GRM7: variants seen among roughly 807,000 people sequenced by gnomAD.
The protein encoded by GRM7 is metabotropic glutamate receptor 7.
Under a neutral mutation model 84.5 loss-of-function variants are expected in GRM7, and 35 were observed. The observed-to-expected ratio is 0.41, with a 90% CI of 0.32 to 0.55. The LOEUF is 0.55. GRM7 is among the 20% of genes least tolerant of loss of function. The probability of loss-of-function intolerance (pLI) is 0.19; values close to 1 mark genes in which losing one functional copy is unlikely to be tolerated. For synonymous variants in GRM7, 487 were observed against 455.1 expected (o/e 1.07, Z -0.89); for missense variants, 1,003 against 1,194.6 (o/e 0.84, Z 2.36).
chr3:7,675,004 A>C (rs1338702996), intron 8 of GRM7, among the ~76,000 whole-genome samples: 1 of 152,200 alleles, frequency 6.6e-6, no homozygotes, highest in Admixed American at 6.5e-5. Flanking sequence ...ACATCCCCTA[A>C]ACCAATGGTT....
rs60445737 is a variant in GRM7, at chr3:7,072,931, A to G, written c.520-73521A>G. 5.6e-4 allele frequency among the ~76,000 whole-genome samples: 85 copies of G among 152,202 alleles called. 1 individual carries two copies. Among genetic ancestry groups the G allele is most frequent in the African/African-American group, 2.0e-3 (84 of 41,532 alleles). On this transcript the variant is annotated intron_variant, in intron 1 of 9. Coordinates refer to ENST00000357716, the MANE Select transcript of GRM7 (RefSeq NM_000844.4). ...ATAGATTCAGATCATGACATTGAGC[A>G]CTCCTCAAGCTCCATGCTGTCTTAT...
intron 4 of GRM7, among the ~76,000 whole-genome samples, chr3:7,324,440 T>C (rs953901240): frequency 1.3e-5 from 2 of 152,210 alleles, no homozygotes; most frequent in Non-Finnish European, 2.9e-5. Context: ...CTGGACCTGC[T>C]GACCTCAGCC....
intron 7 of GRM7, among the ~76,000 whole-genome samples, chr3:7,512,622 T>A (rs1393765139): frequency 1.3e-5 from 2 of 151,252 alleles, no homozygotes; most frequent in African/African-American, 4.9e-5. Context: ...GAGAGACATT[T>A]GGGAATTTGA....
chr3:7,417,194 A>G (rs138100829), intron 5 of GRM7, among the ~76,000 whole-genome samples: 194 of 152,246 alleles, frequency 1.3e-3, no homozygotes, highest in African/African-American at 4.5e-3. Flanking sequence ...GTGAATATTT[A>G]TAATCACATT....
chr3:7,113,193 T>A (rs1692919216), intron 1 of GRM7, among the ~76,000 whole-genome samples: 1 of 152,132 alleles, frequency 6.6e-6, no homozygotes, highest in Non-Finnish European at 1.5e-5. Flanking sequence ...GTGAAAAAAA[T>A]TAAAAAATAT....
At chr3:7,251,569 G>T (rs1255298136) in intron 2 of GRM7, among the ~76,000 whole-genome samples, 1 of 152,192 alleles carries the variant, frequency 6.6e-6, no homozygotes, top group African/African-American at 2.4e-5. Context: ...AAAGTACTAT[G>T]TTGGGCTATT....
At chr3:7,506,658 C>G (rs1188058790) in intron 7 of GRM7, among the ~76,000 whole-genome samples, 2 of 152,160 alleles carry the variant, frequency 1.3e-5, no homozygotes, top group Non-Finnish European at 2.9e-5. Flanking sequence ...CTCATACGGG[C>G]CTTCTTCTTG....
At chr3:7,327,369 GA>G (rs1300665569) in intron 4 of GRM7, among the ~76,000 whole-genome samples, 4 of 152,050 alleles carry the variant, frequency 2.6e-5, no homozygotes, top group Non-Finnish European at 5.9e-5. Flanking sequence ...CAGAAGGAAG[GA>G]AAAGGAGAGG....
intron 6 of GRM7, among the ~76,000 whole-genome samples, chr3:7,454,781 A>G (rs956236344): frequency 3.9e-5 from 6 of 152,278 alleles, no homozygotes; most frequent in African/African-American, 1.2e-4. Context: ...ATGGTTTTTA[A>G]TATACATGCA....
At position 7,676,372 on chromosome 3, in the gene GRM7, T is replaced by C. The variant is rs1041875423; in HGVS notation, c.2452-3677T>C. Among the ~76,000 whole-genome samples the C allele has an allele frequency of 2.0e-5, 3 of 152,218 alleles. No homozygotes were observed. In the East Asian group the frequency reaches 5.8e-4, roughly 29 times the overall value. On this transcript the variant is annotated intron_variant, in intron 8 of 9. Coordinates refer to ENST00000357716, the MANE Select transcript of GRM7 (RefSeq NM_000844.4). ...TGGACTGAAGCCTTCTTAGCCTTCA[T>C]ACCTACATATAGTCATGTGCCACAT... is the stretch of plus-strand genomic sequence containing the variant.
At chr3:6,997,530 C>A (rs772815389) in intron 1 of GRM7, among the ~76,000 whole-genome samples, 1 of 152,180 alleles carries the variant, frequency 6.6e-6, no homozygotes. Flanking sequence ...AACTCACTCA[C>A]TATCATGAGA....
At chr3:7,623,957 C>T (rs879726810) in intron 8 of GRM7, among the ~76,000 whole-genome samples, 3 of 152,024 alleles carry the variant, frequency 2.0e-5, no homozygotes, top group Non-Finnish European at 2.9e-5. Context: ...GCTAGCATTC[C>T]GGAGAGTAGA....
intron 1 of GRM7, among the ~76,000 whole-genome samples, chr3:6,887,643 G>C (rs1010113580): frequency 2.6e-5 from 4 of 152,058 alleles, no homozygotes; most frequent in African/African-American, 7.3e-5. Context: ...CTGGACATTT[G>C]GGTTGGTTCC....
intron 4 of GRM7, among the ~76,000 whole-genome samples, chr3:7,414,173 T>C (rs1559305330): frequency 6.6e-6 from 1 of 152,194 alleles, no homozygotes; most frequent in Non-Finnish European, 1.5e-5. Context: ...AAACTTTGAA[T>C]AATTTAAGTA....
At chr3:7,192,777 A>G (rs1226316795) in intron 2 of GRM7, among the ~76,000 whole-genome samples, 2 of 152,092 alleles carry the variant, frequency 1.3e-5, no homozygotes, top group Non-Finnish European at 2.9e-5. Flanking sequence ...AGATTCCTCA[A>G]GCAGGTAATC....
At chr3:7,646,723 T>G (rs1159511461) in intron 8 of GRM7, among the ~76,000 whole-genome samples, 1 of 152,186 alleles carries the variant, frequency 6.6e-6, no homozygotes. Flanking sequence ...TATGTGTGCA[T>G]GTATGAGAAG....
At chr3:7,242,308 T>C (rs1034203746) in intron 2 of GRM7, among the ~76,000 whole-genome samples, 1 of 152,160 alleles carries the variant, frequency 6.6e-6, no homozygotes, top group Non-Finnish European at 1.5e-5. Flanking sequence ...ATGATTGTGG[T>C]TGAGTGTAAT....
rs546454874 is a variant in GRM7, at chr3:7,502,434, C to T, written c.1515+40712C>T. Among the ~76,000 whole-genome samples, 32 of 152,246 alleles carry T rather than the reference C, an allele frequency of 2.1e-4. No homozygotes were observed. In the South Asian group the frequency reaches 6.4e-3, roughly 31 times the overall value. On this transcript the variant is annotated intron_variant, in intron 7 of 9. Coordinates refer to ENST00000357716, the MANE Select transcript of GRM7 (RefSeq NM_000844.4). ...GTTTTCTCTCCCTAGGTCTCAGTTT[C>T]CTAACATTAAAATGAGACATTTGGG...
At chr3:7,156,803 T>C (rs1423611203) in intron 2 of GRM7, among the ~76,000 whole-genome samples, 2 of 152,146 alleles carry the variant, frequency 1.3e-5, no homozygotes, top group Non-Finnish European at 2.9e-5. Flanking sequence ...TTTTGAAAGT[T>C]CTTTTTAATC....
Sources: allele counts gnomAD v4.1 joint callset (sites outside exome capture counted in the v4.1 genomes callset), GRCh38; gene constraint gnomAD v4.1.1; transcripts MANE v1.5; gene names NCBI Gene and HGNC (gene_info 2026-07-23, HGNC 2026-07-21).